GSTT2B: variants seen among roughly 807,000 people sequenced by gnomAD.
GSTT2B encodes glutathione S-transferase theta 2B, also known as glutathione S-transferase theta-2B.
GSTT2B carries 4 observed loss-of-function variants against 16.6 expected under a neutral mutation model. The observed-to-expected ratio is 0.24, with a 90% CI of 0.12 to 0.55. The LOEUF (loss-of-function observed/expected upper bound fraction) is 0.55. Ranked by LOEUF, GSTT2B falls within the 20% of genes least tolerant of loss-of-function variation. The pLI is 0.94. For missense variants in GSTT2B, 27 were observed against 266.1 expected (o/e 0.10, Z 6.25); for synonymous variants, 9 against 110.9 (o/e 0.08, Z 5.77).
chr22:23,960,105 T>C (rs2033821948), intron 2 of GSTT2B, among the ~76,000 whole-genome samples, 189 bp downstream of exon 2: 1 of 149,044 alleles, frequency 6.7e-6, no homozygotes. Flanking sequence ...GACCTCGTGA[T>C]CCGCCCGCCT....
rs1300999081 is a variant in GSTT2B, at chr22:23,959,174, G to A, written c.201-473C>T. On this transcript the variant is annotated intron_variant, in intron 2 of 4. Transcript: ENST00000290765. ...GATCACGAGGGGAGGAATGTCTTTG[G>A]CCCCCGTCTGACAGGCCCCCAGCCA... Among the ~76,000 whole-genome samples, 19 of 131,470 alleles carry A rather than the reference G, an allele frequency of 1.4e-4. No individual in the cohort carries two copies. The Admixed American group carries it at 1.5e-3, about 10-fold the overall frequency. 86.2% of individuals were successfully genotyped at this position (131,470 alleles called of 152,430 possible).
intron 2 of GSTT2B, among the ~76,000 whole-genome samples, chr22:23,959,470 T>G (rs2033811423): frequency 9.8e-6 from 1 of 102,170 alleles, no homozygotes; most frequent in African/African-American, 3.0e-5. Context: ...AGATGAGAGG[T>G]GGGGGGACAT....
chr22:23,959,741 C>T (rs1380021834), intron 2 of GSTT2B, among the ~76,000 whole-genome samples: 35 of 93,120 alleles, frequency 3.8e-4, no homozygotes, highest in Admixed American at 3.4e-4. Flanking sequence ...CCACGCCCTG[C>T]TAATGTTTTG....
Position 23,960,354 on chromosome 22 carries a change from T to G in GSTT2B, c.140A>C (p.Gln47Pro). 2 of 1,611,902 alleles carry G rather than the reference T, an allele frequency of 1.2e-6. No individual in the cohort carries two copies. The highest frequency in any genetic ancestry group is 2.2e-5 in the South Asian group (2 of 90,942). The stretch of plus-strand genomic sequence containing the variant: ...CGGCAGTTTCCCCAGGCTGTTGATC[T>G]GCAAGAACTCCTTGCTCTTGTGCTG... Reference protein sequence around the residue: ...KGQHKSKEFLQINSLGKLPTL... With the variant: ...KGQHKSKEFLPINSLGKLPTL... Residue 47 changes from glutamine (Q) to proline (P), a missense_variant, in exon 2 of 5, where the codon CAG becomes CCG. Gln to Pro is a moderately conservative substitution (Grantham distance 76). Coordinates refer to ENST00000290765, the MANE Select transcript of GSTT2B (RefSeq NM_001080843.4).
At chr22:23,960,094 T>G (rs1237682094) in intron 2 of GSTT2B, among the ~76,000 whole-genome samples, 200 bp downstream of exon 2, 2 of 149,464 alleles carry the variant, frequency 1.3e-5, no homozygotes. Context: ...CTCGGTCTCC[T>G]GACCTCGTGA....
At chr22:23,960,921 AG>A in intron 1 of GSTT2B, 98 bp downstream of exon 1, 1 of 596,866 alleles carries the variant, frequency 1.7e-6, no homozygotes, top group Non-Finnish European at 3.0e-6. Context: ...GGAGGAGGTG[AG>A]GGGGCTGTGC....
At chr22:23,960,218 T>C in intron 2 of GSTT2B, 76 bp downstream of exon 2, 1 of 1,560,284 alleles carries the variant, frequency 6.4e-7, no homozygotes, top group South Asian at 1.1e-5. Context: ...GGAGGGCCAC[T>C]GGGGCCCGGG....
chr22:23,958,073 AG>A (rs1800238654), intron 4 of GSTT2B, 141 bp from the exon 5 acceptor site: 1 of 651,706 alleles, frequency 1.5e-6, no homozygotes, highest in African/African-American at 2.0e-5. Flanking sequence ...ACAGGGGCCC[AG>A]GCAGTATGTT....
intron 1 of GSTT2B, among the ~76,000 whole-genome samples, chr22:23,960,630 T>A (rs1482532013): frequency 4.8e-5 from 5 of 103,200 alleles, no homozygotes; most frequent in Non-Finnish European, 1.1e-4. Flanking sequence ...CGGACTCTGG[T>A]GGGCCAGGGG....
rs1404586834 is a variant in GSTT2B, at chr22:23,960,384, G to A, written c.113-3C>T. ...GAACTCCTTGCTCTTGTGCTGCCCT[G>A]AAGAGGAAGAAGTCAGAAAAGGTCT... is the stretch of plus-strand genomic sequence containing the variant. On this transcript the variant is annotated splice_region_variant and splice_polypyrimidine_tract_variant and intron_variant, in intron 1 of 4. Transcript: ENST00000290765. 6.2e-7 allele frequency: 1 copy of A among 1,609,872 alleles called. No individual in the cohort carries two copies. Among genetic ancestry groups the A allele is most frequent in the South Asian group, 1.1e-5 (1 of 90,822 alleles).
intron 2 of GSTT2B, among the ~76,000 whole-genome samples, 154 bp downstream of exon 2, chr22:23,960,140 C>T (rs991059678): frequency 4.7e-5 from 7 of 150,090 alleles, no homozygotes; most frequent in African/African-American, 1.5e-4. Context: ...GCCGGGATGA[C>T]AGGCGTGAGC....
intron 2 of GSTT2B, among the ~76,000 whole-genome samples, chr22:23,960,005 A>C (rs2033818763): frequency 7.4e-6 from 1 of 135,280 alleles, no homozygotes; most frequent in Admixed American, 7.7e-5. Context: ...CTGGGACTAC[A>C]GACGCCCGCC....
Position 23,957,637 on chromosome 22 carries a change from TG to T in GSTT2B, c.*85del. The T allele has an allele frequency of 1.6e-6, 1 of 623,504 alleles. No homozygotes were observed. The highest frequency in any genetic ancestry group is 2.9e-6 in the Non-Finnish European group (1 of 346,546). The allele number at this position is 623,504 out of a possible 1,614,324, so 38.6% of individuals were successfully genotyped here. A position where few individuals can be genotyped will look rare whatever the true frequency, so the allele number is the denominator to read the frequency against. On this transcript the variant is annotated 3_prime_UTR_variant, in exon 5 of 5. Coordinates refer to ENST00000290765, the MANE Select transcript of GSTT2B (RefSeq NM_001080843.4). ...TCACATGAAGCTGGAGAGAAGGGAC[TG>T]GGGCAAGAGGGAAAGATAAAAAGGG...
rs781652428 is a variant in GSTT2B at position 23,960,298 on chromosome 22, C to T, written c.196G>A (p.Glu66Lys). Residue 66 changes from glutamate (E) to lysine (K), a missense_variant, in exon 2 of 5, where the codon GAA becomes AAA. Coordinates refer to ENST00000290765, the MANE Select transcript of GSTT2B (RefSeq NM_001080843.4). ...GGGGTGAGGGAAGGAGGGCACCTTT[C>T]GGTCAAGATGAAATCACCATCCTTG... ...TLKDGDFILT[E>K]SSAILIYLSC... 1.9e-3 allele frequency: 3,058 copies of T among 1,612,624 alleles called. 2 individuals are homozygous for T. The highest frequency in any genetic ancestry group is 2.2e-3 in the Non-Finnish European group (2,588 of 1,178,948).
chr22:23,959,785 C>G (rs482710), intron 2 of GSTT2B, among the ~76,000 whole-genome samples: 22,375 of 71,870 alleles, frequency 0.31, 3,194 homozygotes, highest in African/African-American at 0.4. Flanking sequence ...CACCGTGTTA[C>G]CCAGGATGGT....
intron 2 of GSTT2B, among the ~76,000 whole-genome samples, chr22:23,959,936 A>T (rs796594621): frequency 5.5e-4 from 45 of 81,088 alleles, no homozygotes; most frequent in Middle Eastern, 9.1e-3. Context: ...CGATCTCAGC[A>T]CACTGCAAGC....
rs2033826446 is a variant in GSTT2B at position 23,960,344 on chromosome 22, G to A, written c.150C>T (p.Ser50=). Reference sequence around the variant, plus strand: ...CCTTGAGCGTCGGCAGTTTCCCCAGGCTGTTGATCTGCAAGAACTCCTTGC... The same window carrying A: ...CCTTGAGCGTCGGCAGTTTCCCCAGACTGTTGATCTGCAAGAACTCCTTGC... The part of the protein sequence containing the change: ...HKSKEFLQIN[S]LGKLPTLKDG... Residue 50 remains serine (S), a synonymous_variant, in exon 2 of 5, where the codon AGC becomes AGT. Transcript: ENST00000290765. The A allele has an allele frequency of 6.2e-7, 1 of 1,612,034 alleles. No homozygotes were observed. The highest frequency in any genetic ancestry group is 1.3e-5 in the African/African-American group (1 of 74,680).
At chr22:23,959,773 T>G (rs537655323) in intron 2 of GSTT2B, among the ~76,000 whole-genome samples, 1 of 91,200 alleles carries the variant, frequency 1.1e-5, no homozygotes, top group African/African-American at 3.5e-5. Context: ...GAGACAGGGT[T>G]TCACCGTGTT....
chr22:23,959,859 A>G (rs649181), intron 2 of GSTT2B, among the ~76,000 whole-genome samples: 2,935 of 74,156 alleles, frequency 0.04, 191 homozygotes, highest in African/African-American at 0.11. Flanking sequence ...TTACAGGCGT[A>G]AACCACCGCG....
Sources: gnomAD v4.1 joint callset for allele counts (sites outside exome capture counted in the v4.1 genomes callset) on GRCh38, gnomAD v4.1.1 for gene constraint, MANE v1.5 for transcripts, NCBI Gene and HGNC (gene_info 2026-07-23, HGNC 2026-07-21) for gene names.